ZBTB20: variants seen among roughly 807,000 people sequenced by gnomAD.
The protein encoded by ZBTB20 is zinc finger and BTB domain-containing protein 20.
A neutral mutation model predicts 56.9 loss-of-function variants in ZBTB20; 9 were observed. That is an observed-to-expected ratio of 0.16 (90% CI 0.10 to 0.28). The LOEUF is 0.28. ZBTB20 is among the 10% of genes least tolerant of loss of function. The pLI is 1.00. For synonymous variants in ZBTB20, 417 were observed against 420.7 expected (o/e 0.99, Z 0.11); for missense variants, 655 against 1,003.0 (o/e 0.65, Z 4.69).
At chr3:115,045,967 A>C (rs1223584203) in intron 2 of ZBTB20, among the ~76,000 whole-genome samples, 1 of 152,206 alleles carries the variant, frequency 6.6e-6, no homozygotes, top group Non-Finnish European at 1.5e-5. Flanking sequence ...ATCTTTCATC[A>C]AGGTATCTCT....
intron 4 of ZBTB20, among the ~76,000 whole-genome samples, chr3:114,866,539 T>C (rs1012903542): frequency 6.6e-6 from 1 of 152,220 alleles, no homozygotes; most frequent in Non-Finnish European, 1.5e-5. Context: ...CATTATTTGG[T>C]GTACTTCAGT....
chr3:115,042,923 T>C (rs1010470823), intron 2 of ZBTB20, among the ~76,000 whole-genome samples: 4 of 152,246 alleles, frequency 2.6e-5, no homozygotes, highest in Non-Finnish European at 5.9e-5. Flanking sequence ...CTAATATCTT[T>C]GATCATAAGT....
At chr3:114,498,372 T>C (rs1009139915) in intron 7 of ZBTB20, among the ~76,000 whole-genome samples, 2 of 152,186 alleles carry the variant, frequency 1.3e-5, no homozygotes, top group Non-Finnish European at 2.9e-5. Context: ...ATTCTGTACC[T>C]GTTTAGAGGA....
intron 2 of ZBTB20, among the ~76,000 whole-genome samples, chr3:114,979,543 C>T (rs2078245727): frequency 6.6e-6 from 1 of 151,798 alleles, no homozygotes; most frequent in South Asian, 2.1e-4. Context: ...TAAGGCCTTC[C>T]CAATGAGTAC....
At chr3:114,769,167 T>G (rs1162610364) in intron 5 of ZBTB20, among the ~76,000 whole-genome samples, 3 of 152,172 alleles carry the variant, frequency 2.0e-5, no homozygotes, top group Non-Finnish European at 4.4e-5. Context: ...TAGTGTACGT[T>G]TAATCATTTT....
At chr3:114,623,485 A>G (rs1000308390) in intron 6 of ZBTB20, among the ~76,000 whole-genome samples, 3 of 152,096 alleles carry the variant, frequency 2.0e-5, no homozygotes, top group Non-Finnish European at 4.4e-5. Context: ...CTTCTGCTTG[A>G]TACTATGAAT....
intron 7 of ZBTB20, among the ~76,000 whole-genome samples, chr3:114,490,348 A>C (rs1356223846): frequency 1.3e-5 from 2 of 151,658 alleles, no homozygotes; most frequent in East Asian, 3.9e-4. Flanking sequence ...CATCCTCCCG[A>C]GTAGCTAGGA....
chr3:114,906,861 C>T (rs1011201491), intron 3 of ZBTB20, among the ~76,000 whole-genome samples: 4 of 151,652 alleles, frequency 2.6e-5, no homozygotes, highest in Admixed American at 2.0e-4. Flanking sequence ...GACAGAGTAG[C>T]GAGAATTTCA....
intron 1 of ZBTB20, among the ~76,000 whole-genome samples, chr3:115,099,541 A>T (rs1047442890): frequency 1.4e-4 from 22 of 152,344 alleles, no homozygotes; most frequent in Non-Finnish European, 2.9e-4. Context: ...GTGTGATGAC[A>T]AAAATAATTA....
chr3:114,524,655 A>G (rs892658653), intron 6 of ZBTB20, among the ~76,000 whole-genome samples: 1 of 152,092 alleles, frequency 6.6e-6, no homozygotes, highest in African/African-American at 2.4e-5. Flanking sequence ...AGATAGCTAC[A>G]TATCACCTGT....
intron 2 of ZBTB20, among the ~76,000 whole-genome samples, chr3:115,007,137 A>G (rs1349388661): frequency 1.3e-5 from 2 of 151,794 alleles, no homozygotes; most frequent in Non-Finnish European, 2.9e-5. Context: ...CTGTAATTAC[A>G]TTATAGTCAG....
chr3:114,872,987 G>A (rs1043087573), intron 4 of ZBTB20: 2 of 152,208 alleles, frequency 1.3e-5, no homozygotes, highest in East Asian at 1.9e-4. Flanking sequence ...TTAGGACAGT[G>A]AATATGAATG....
chr3:114,688,810 C>T (rs2062514676), intron 6 of ZBTB20, among the ~76,000 whole-genome samples: 1 of 152,014 alleles, frequency 6.6e-6, no homozygotes, highest in Admixed American at 6.6e-5. Flanking sequence ...ACAGAGTGGC[C>T]ATCAAATACC....
intron 5 of ZBTB20, among the ~76,000 whole-genome samples, chr3:114,742,181 G>C (rs548953360): frequency 6.6e-6 from 1 of 152,164 alleles, no homozygotes; most frequent in Admixed American, 6.5e-5. Flanking sequence ...TGGATTTGTT[G>C]TATGTTTCAA....
chr3:115,069,455 C>T (rs116123092), intron 2 of ZBTB20, among the ~76,000 whole-genome samples: 131 of 152,212 alleles, frequency 8.6e-4, no homozygotes, highest in African/African-American at 3.0e-3. Context: ...ACGAACTCTC[C>T]ATATCCCAAG....
At chr3:114,988,091 C>CTT (rs543706041) in intron 2 of ZBTB20, among the ~76,000 whole-genome samples, 30 of 118,818 alleles carry the variant, frequency 2.5e-4, no homozygotes, top group Non-Finnish European at 4.8e-4. Flanking sequence ...TATCCAGTTT[C>CTT]TTTTTTTTTT....
In ZBTB20 at chr3:114,320,102, A is replaced by G. The variant is rs899949765; in HGVS notation, c.*18903T>C. ...ACTACCAGGTTCCTTTTATATTTTC[A>G]GCATTGTAGTTTAAACTATGTATTT... On this transcript the variant is annotated 3_prime_UTR_variant, in exon 12 of 12. Coordinates refer to ENST00000675478, the MANE Select transcript of ZBTB20 (RefSeq NM_001348800.3). The G allele has an allele frequency of 3.9e-5, 6 of 152,266 alleles. 1 individual carries two copies. Among genetic ancestry groups the G allele is most frequent in the Middle Eastern group, 3.4e-3 (1 of 294 alleles). 9.4% of individuals were successfully genotyped at this position (152,266 alleles called of 1,614,324 possible).
intron 4 of ZBTB20, among the ~76,000 whole-genome samples, chr3:114,884,745 A>T (rs866234247): frequency 5.9e-5 from 9 of 152,204 alleles, no homozygotes; most frequent in Non-Finnish European, 1.3e-4. Context: ...TTGGGCTCCT[A>T]TGAGACTAAT....
At chr3:114,405,338 C>T (rs2087210254) in intron 7 of ZBTB20, among the ~76,000 whole-genome samples, 1 of 152,034 alleles carries the variant, frequency 6.6e-6, no homozygotes, top group African/African-American at 2.4e-5. Flanking sequence ...GAACATGGGG[C>T]ATAGCTAAAT....
Sources: allele counts gnomAD v4.1 joint callset (sites outside exome capture counted in the v4.1 genomes callset), GRCh38; gene constraint gnomAD v4.1.1; transcripts MANE v1.5; gene names NCBI Gene and HGNC (gene_info 2026-07-23, HGNC 2026-07-21).